NUMB: variants seen among roughly 807,000 people sequenced by gnomAD.
NUMB encodes NUMB endocytic adaptor protein.
Under a neutral mutation model 59.7 loss-of-function variants are expected in NUMB, and 29 were observed. The ratio of observed to expected loss-of-function variants is 0.49; its 90% confidence interval spans 0.36 to 0.66. NUMB has a LOEUF of 0.66. NUMB is among the 30% of genes least tolerant of loss of function. NUMB has a pLI of 0.00. For synonymous variants in NUMB, 288 were observed against 288.2 expected (o/e 1.00, Z 0.01); for missense variants, 723 against 822.0 (o/e 0.88, Z 1.47).
chr14:73,445,490 G>T (rs978546729), intron 1 of NUMB, among the ~76,000 whole-genome samples: 4 of 145,508 alleles, frequency 2.7e-5, no homozygotes, highest in African/African-American at 7.6e-5. Context: ...AAGAATTCAA[G>T]ATTCCTTTTC....
At chr14:73,352,461 CACACACACACACACACATAT>C (rs1893378708) in intron 4 of NUMB, among the ~76,000 whole-genome samples, 1 of 16,814 alleles carries the variant, frequency 5.9e-5, no homozygotes, top group Non-Finnish European at 1.2e-4. Flanking sequence ...CACACACATA[CACACACACACACACACATAT>C]ATATATATAT....
chr14:73,366,237 A>G (rs1359495480), intron 3 of NUMB, among the ~76,000 whole-genome samples: 1 of 152,202 alleles, frequency 6.6e-6, no homozygotes, highest in Non-Finnish European at 1.5e-5. Flanking sequence ...TGTGAGATCT[A>G]CAAGCAGTTG....
intron 1 of NUMB, among the ~76,000 whole-genome samples, chr14:73,445,346 C>A (rs1447900900): frequency 2.5e-5 from 2 of 80,694 alleles, no homozygotes; most frequent in Admixed American, 2.0e-4. Flanking sequence ...CAAAGTGAGA[C>A]CCTGTCTCAA....
At chr14:73,282,684 G>A (rs1326008156) in intron 10 of NUMB, among the ~76,000 whole-genome samples, 179 bp from the exon 11 acceptor site, 1 of 152,172 alleles carries the variant, frequency 6.6e-6, no homozygotes, top group Admixed American at 6.5e-5. Context: ...CAATTTCATT[G>A]GCTTTTCAGA....
intron 2 of NUMB, among the ~76,000 whole-genome samples, chr14:73,373,677 T>C (rs925611039): frequency 3.3e-5 from 5 of 151,448 alleles, no homozygotes; most frequent in Non-Finnish European, 7.4e-5. Context: ...AATGTTTGAG[T>C]TAGGCCTCAC....
At chr14:73,384,866 C>A (rs1239739593) in intron 2 of NUMB, among the ~76,000 whole-genome samples, 1 of 151,624 alleles carries the variant, frequency 6.6e-6, no homozygotes, top group Non-Finnish European at 1.5e-5. Context: ...GTGTGAGCCA[C>A]CATGCCCAGC....
intron 5 of NUMB, among the ~76,000 whole-genome samples, chr14:73,321,539 C>T (rs1156433067): frequency 6.6e-6 from 1 of 151,938 alleles, no homozygotes; most frequent in Non-Finnish European, 1.5e-5. Context: ...TAGATAAACC[C>T]GGAATTATTT....
At chr14:73,368,784 G>C (rs1894514880) in intron 2 of NUMB, among the ~76,000 whole-genome samples, 1 of 152,076 alleles carries the variant, frequency 6.6e-6, no homozygotes, top group African/African-American at 2.4e-5. Context: ...ACAGCAAATG[G>C]TTTAAGAGAG....
intron 2 of NUMB, among the ~76,000 whole-genome samples, chr14:73,395,700 A>G (rs1040168534): frequency 3.3e-5 from 5 of 149,924 alleles, no homozygotes; most frequent in African/African-American, 9.8e-5. Context: ...AGAGATGAGG[A>G]ATGAAACATA....
At chr14:73,449,038 T>C (rs1566802879) in intron 1 of NUMB, among the ~76,000 whole-genome samples, 1 of 152,158 alleles carries the variant, frequency 6.6e-6, no homozygotes, top group Non-Finnish European at 1.5e-5. Context: ...CCTACTTTTC[T>C]TTCTTGTCAT....
chr14:73,422,812 C>A (rs543358209), intron 1 of NUMB, among the ~76,000 whole-genome samples: 159 of 151,980 alleles, frequency 1.0e-3, no homozygotes, highest in Non-Finnish European at 2.0e-3. Flanking sequence ...ATTCAATCAC[C>A]CCCCTGGCCC....
chr14:73,277,762 TA>T (rs35278332), intron 12 of NUMB, among the ~76,000 whole-genome samples: 3,860 of 143,712 alleles, frequency 0.027, 151 homozygotes, highest in African/African-American at 0.089. Context: ...AATTCTGTCT[TA>T]AAAAAAAAAA....
chr14:73,346,226 C>G (rs1326334425), intron 4 of NUMB, among the ~76,000 whole-genome samples: 1 of 151,766 alleles, frequency 6.6e-6, no homozygotes, highest in Non-Finnish European at 1.5e-5. Flanking sequence ...ATGCCTGTAA[C>G]CCAAGAACTT....
chr14:73,455,370 T>C (rs1370426598), intron 1 of NUMB, among the ~76,000 whole-genome samples: 1 of 152,178 alleles, frequency 6.6e-6, no homozygotes, highest in Non-Finnish European at 1.5e-5. Context: ...CCATCTAGCT[T>C]TCAATGGAAG....
chr14:73,297,626 G>C (rs1222583011), intron 6 of NUMB: 1 of 190,852 alleles, frequency 5.2e-6, no homozygotes. Flanking sequence ...AATCAACCAA[G>C]AAAACCAGAG....
intron 2 of NUMB, among the ~76,000 whole-genome samples, chr14:73,402,072 C>T (rs1458713015): frequency 1.3e-5 from 2 of 152,090 alleles, no homozygotes; most frequent in Admixed American, 1.3e-4. Context: ...ACTATGTTTG[C>T]CCAGGCTGCA....
At chr14:73,437,873 A>G (rs1479264641) in intron 1 of NUMB, among the ~76,000 whole-genome samples, 2 of 151,512 alleles carry the variant, frequency 1.3e-5, no homozygotes, top group Non-Finnish European at 2.9e-5. Flanking sequence ...GGATCACCCA[A>G]AAGAAAAATG....
At position 73,284,276 on chromosome 14, in the gene NUMB, A is replaced by G; in HGVS notation, c.754T>C (p.Ser252Pro). 6.2e-7 allele frequency: 1 copy of G among 1,614,162 alleles called. No individual in the cohort carries two copies. The highest frequency in any genetic ancestry group is 2.2e-5 in the East Asian group (1 of 44,884). ...GCATGAGGATTGTTCATCTCCAGAGAGGTCGTGGCATCAGAAGTAGGAGAG... is the reference window on the plus strand; with the variant it reads ...GCATGAGGATTGTTCATCTCCAGAGGGGTCGTGGCATCAGAAGTAGGAGAG... ...PTSPTSDATT[S>P]LEMNNPHAIP... The change falls in exon 10 of 13, where the codon TCT becomes CCT. Residue 252 changes from serine (S) to proline (P), a missense_variant. Transcript: ENST00000555238.
intron 2 of NUMB, among the ~76,000 whole-genome samples, chr14:73,398,368 T>G (rs1896235138): frequency 6.7e-6 from 1 of 148,358 alleles, no homozygotes; most frequent in Non-Finnish European, 1.5e-5. Context: ...AACTACATAT[T>G]TGTATATGAG....
Sources: gnomAD v4.1 joint callset for allele counts (sites outside exome capture counted in the v4.1 genomes callset) on GRCh38, gnomAD v4.1.1 for gene constraint, MANE v1.5 for transcripts, NCBI Gene and HGNC (gene_info 2026-07-23, HGNC 2026-07-21) for gene names.